The following CHD1 variants were observed in gnomAD, a reference collection of about 807,000 sequenced individuals.
The protein encoded by CHD1 is ATP-dependent chromatin remodeler CHD1.
Under a neutral mutation model 224.2 loss-of-function variants are expected in CHD1, and 36 were observed. That is an observed-to-expected ratio of 0.16 (90% CI 0.12 to 0.21). The LOEUF (loss-of-function observed/expected upper bound fraction) is 0.21. Ranked by LOEUF, CHD1 falls within the 10% of genes least tolerant of loss-of-function variation. The pLI is 1.00. For missense variants in CHD1, 1,378 were observed against 1,994.8 expected, an observed-to-expected ratio of 0.69 and a Z score of 5.89; for synonymous variants, 668 against 658.3, an observed-to-expected ratio of 1.01 and a Z score of -0.23.
intron 15 of CHD1, among the ~76,000 whole-genome samples, 178 bp from the exon 16 acceptor site, chr5:98,889,416 C>T (rs1750859855): frequency 6.6e-6 from 1 of 152,144 alleles, no homozygotes; most frequent in Admixed American, 6.6e-5. Flanking sequence ...CATGAGAACA[C>T]AACTTGTTTT....
Position 98,927,417 on chromosome 5 carries a change from G to A in CHD1, c.-148-883C>T, listed in dbSNP as rs1177009078. ...GTACCGAGACAGCCAACTGAGAGCA[G>A]AGCTGTCCTCCGACCTCAGCAAAGA... is the stretch of plus-strand genomic sequence containing the variant. On this transcript the variant is annotated intron_variant, in intron 1 of 35. Transcript: ENST00000614616. 2.6e-5 allele frequency among the ~76,000 whole-genome samples: 4 copies of A among 152,266 alleles called. No individual in the cohort carries two copies. The South Asian group carries it at 8.3e-4, about 32-fold the overall frequency.
intron 15 of CHD1, among the ~76,000 whole-genome samples, chr5:98,890,427 C>T (rs1750936716): frequency 1.1e-4 from 17 of 151,940 alleles, no homozygotes; most frequent in Admixed American, 1.1e-3. Context: ...TTTTCCTTAT[C>T]CAGAAAAAAT....
chr5:98,892,551 C>CTGTAAAGCAGAACAAATAAAGTT lies in CHD1; in HGVS notation c.2153_2154insAACTTTATTTGTTCTGCTTTACA (p.Met718IlefsTer21). ...TGTAATATTGTTTCTGTAAAGCACT[C>CTGTAAAGCAGAACAAATAAAGTT]ATTTCCATTCTTAAAATCTGCTCAA... is the stretch of plus-strand genomic sequence containing the variant. On this transcript the variant is annotated frameshift_variant, in exon 15 of 36. Transcript: ENST00000614616. LOFTEE classifies it high-confidence loss of function. The CTGTAAAGCAGAACAAATAAAGTT allele has an allele frequency of 6.2e-7, 1 of 1,613,506 alleles. No individual in the cohort carries two copies. Among genetic ancestry groups the CTGTAAAGCAGAACAAATAAAGTT allele is most frequent in the Non-Finnish European group, 8.5e-7 (1 of 1,179,638 alleles).
chr5:98,882,607 A>G lies in CHD1; in HGVS notation c.2718+481T>C, dbSNP rs1009533181. On this transcript the variant is annotated intron_variant, in intron 19 of 35. Transcript: ENST00000614616. ...AATTTTCCCTATTTCTCTAGGTCAA[A>G]GATTCTGCAGTAAATTTTCCCTATT... 1.5e-4 allele frequency among the ~76,000 whole-genome samples: 23 copies of G among 152,278 alleles called. 1 individual carries two copies. The South Asian group carries it at 4.6e-3, about 30-fold the overall frequency.
intron 27 of CHD1, 82 bp downstream of exon 27, chr5:98,872,335 A>G (rs1749413841): frequency 1.3e-6 from 2 of 1,494,420 alleles, no homozygotes; most frequent in Non-Finnish European, 1.8e-6. Context: ...AAACTAGCCA[A>G]TAACACCATA....
At chr5:98,867,959 C>T (rs541041302) in intron 31 of CHD1, among the ~76,000 whole-genome samples, 1 of 152,092 alleles carries the variant, frequency 6.6e-6, no homozygotes, top group East Asian at 1.9e-4. Context: ...CTCGCCAACA[C>T]ACCCAGTTAA....
At chr5:98,898,568 G>A in intron 9 of CHD1, 96 bp downstream of exon 9, 1 of 1,203,798 alleles carries the variant, frequency 8.3e-7, no homozygotes, top group Non-Finnish European at 1.2e-6. Flanking sequence ...GTAAGAGCAA[G>A]CTACTGTGTT....
chr5:98,914,323 T>C (rs1580512725), intron 2 of CHD1, among the ~76,000 whole-genome samples: 1 of 152,180 alleles, frequency 6.6e-6, no homozygotes, highest in African/African-American at 2.4e-5. Flanking sequence ...AGAGAAGTAG[T>C]TATATTTAAG....
Position 98,856,524 on chromosome 5 carries a change from G to A in CHD1, c.4989C>T (p.Asp1663=). 1 of 1,613,900 alleles carries A rather than the reference G, an allele frequency of 6.2e-7. No homozygotes were observed. The highest frequency in any genetic ancestry group is 1.1e-5 in the South Asian group (1 of 91,078). ...TGGAAGCTCTGTGGTCCATTTGCCA[G>A]TCTGAGTGATACCTATAATCCCTGG... The part of the protein sequence containing the change: ...KSSRDYRYHS[D]WQMDHRASSS... Residue 1663 remains aspartate, a synonymous_variant, in exon 36 of 36, where the codon GAC becomes GAT. Transcript: ENST00000614616.
intron 22 of CHD1, 102 bp downstream of exon 22, chr5:98,880,974 T>C: frequency 1.4e-6 from 1 of 740,576 alleles, no homozygotes; most frequent in Non-Finnish European, 2.3e-6. Context: ...AACACAGCAA[T>C]CTTCCTGATT....
rs892820400 is a variant in CHD1, at chr5:98,901,016, C to A, written c.654G>T (p.Glu218Asp). 2 of 1,613,370 alleles carry A rather than the reference C, an allele frequency of 1.2e-6. No individual in the cohort carries two copies. Among genetic ancestry groups the A allele is most frequent in the African/African-American group, 1.3e-5 (1 of 74,850 alleles). ...QKKRQIDSSE[E>D]DDDEEDYDND... ...TATCATAATCTTCTTCATCATCATC[C>A]TCCTCAGATGAATCAATCTGTCTCT... The change falls in exon 7 of 36, where the codon GAG becomes GAT. Residue 218 changes from glutamate (E) to aspartate (D), a missense_variant. Around this residue, in one of 16 missense-constraint regions of CHD1, gnomAD observed 306 missense variants for 298.1 expected, o/e 1.03. Coordinates refer to ENST00000614616, the MANE Select transcript of CHD1 (RefSeq NM_001270.4).
rs747380543 is a variant in CHD1, at chr5:98,876,433, C to G, written c.3363G>C (p.Glu1121Asp). The change falls in exon 24 of 36, where the codon GAG (glutamate) becomes GAC (aspartate). Residue 1121 changes from glutamate (E) to aspartate (D), a missense_variant. Physicochemically the swap from Glu to Asp is conservative, Grantham distance 45. This residue lies in a region of CHD1 where 286 missense variants were observed against 445.1 expected (regional missense o/e 0.64). Coordinates refer to ENST00000614616, the MANE Select transcript of CHD1 (RefSeq NM_001270.4). The stretch of plus-strand genomic sequence containing the variant: ...CTGCATCACTAAATCCTTTAATATT[C>G]TCCCGAGGAATAGTCCGTGGTCTTC... ...KRGRPRTIPR[E>D]NIKGFSDAEI... The G allele has an allele frequency of 1.2e-6, 2 of 1,613,876 alleles. No homozygotes were observed. Among genetic ancestry groups the G allele is most frequent in the African/African-American group, 2.7e-5 (2 of 74,934 alleles).
At position 98,901,339 on chromosome 5, in the gene CHD1, C is replaced by A. The variant is rs1470778811; in HGVS notation, c.438-4G>T. 3 of 1,593,804 alleles carry A rather than the reference C, an allele frequency of 1.9e-6. No homozygotes were observed. The highest frequency in any genetic ancestry group is 3.7e-5 in the Admixed American group (2 of 53,848). On this transcript the variant is annotated splice_region_variant and splice_polypyrimidine_tract_variant and intron_variant, in intron 5 of 35. Transcript: ENST00000614616. ...CCCAGACATTTGCCAATCTTCACTGCAGACAAAATTTATAAAGTATTTTTA... is the reference window on the plus strand; with the variant it reads ...CCCAGACATTTGCCAATCTTCACTGAAGACAAAATTTATAAAGTATTTTTA...
intron 2 of CHD1, among the ~76,000 whole-genome samples, chr5:98,912,895 G>A (rs1752515795): frequency 6.6e-6 from 1 of 151,904 alleles, no homozygotes; most frequent in Non-Finnish European, 1.5e-5. Context: ...TTTCTTTCTT[G>A]TACATATAAT....
At chr5:98,909,971 G>A (rs74862600) in intron 2 of CHD1, among the ~76,000 whole-genome samples, 43 of 152,146 alleles carry the variant, frequency 2.8e-4, no homozygotes, top group Non-Finnish European at 4.3e-4. Flanking sequence ...CTCATCTTGC[G>A]TATTTCTTGC....
At chr5:98,882,468 G>C (rs1179301698) in intron 19 of CHD1, among the ~76,000 whole-genome samples, 1 of 151,470 alleles carries the variant, frequency 6.6e-6, no homozygotes, top group Non-Finnish European at 1.5e-5. Flanking sequence ...TCGTTGCCTT[G>C]ATTCTAATGT....
intron 3 of CHD1, among the ~76,000 whole-genome samples, chr5:98,904,266 T>G (rs1751907328): frequency 6.6e-6 from 1 of 152,188 alleles, no homozygotes; most frequent in East Asian, 1.9e-4. Flanking sequence ...CACATTGTTT[T>G]AGCTCAGATT....
Position 98,856,368 on chromosome 5 carries a change from T to A in CHD1, c.*12A>T, listed in dbSNP as rs773372971. Reference sequence around the variant, plus strand: ...AAAAGAAAAGTCCAGAAAGACGAAGTATCAGTTTTTGTTATGTTTTCCGAC... The same window carrying A: ...AAAAGAAAAGTCCAGAAAGACGAAGAATCAGTTTTTGTTATGTTTTCCGAC... On this transcript the variant is annotated 3_prime_UTR_variant, in exon 36 of 36. Coordinates refer to ENST00000614616, the MANE Select transcript of CHD1 (RefSeq NM_001270.4). The A allele has an allele frequency of 6.3e-7, 1 of 1,591,416 alleles. No homozygotes were observed. Among genetic ancestry groups the A allele is most frequent in the South Asian group, 1.1e-5 (1 of 90,506 alleles).
At position 98,917,596 on chromosome 5, in the gene CHD1, T is replaced by G. The variant is rs187377783; in HGVS notation, c.53+8738A>C. On this transcript the variant is annotated intron_variant, in intron 2 of 35. Coordinates refer to ENST00000614616, the MANE Select transcript of CHD1 (RefSeq NM_001270.4). ...AAGCAACAACAGTGGAACTGAGAAA[T>G]AGCTATTTGGAGTCATTCTCATTAA... Among the ~76,000 whole-genome samples, 3 of 152,294 alleles carry G rather than the reference T, an allele frequency of 2.0e-5. No homozygotes were observed. The East Asian group carries it at 5.8e-4, about 29-fold the overall frequency.
Sources: gnomAD v4.1 joint callset for allele counts (sites outside exome capture counted in the v4.1 genomes callset) on GRCh38, gnomAD v4.1.1 for gene constraint, gnomAD v4.1.1 regional missense constraint, MANE v1.5 for transcripts, NCBI Gene and HGNC (gene_info 2026-07-23, HGNC 2026-07-21) for gene names.